KCNH7: variants seen among roughly 807,000 people sequenced by gnomAD.
KCNH7 encodes the protein voltage-gated inwardly rectifying potassium channel KCNH7.
Under a neutral mutation model 120.8 loss-of-function variants are expected in KCNH7, and 49 were observed. That is an observed-to-expected ratio of 0.41 (90% CI 0.32 to 0.51). The LOEUF (loss-of-function observed/expected upper bound fraction) is 0.51. Ranked by LOEUF, KCNH7 falls within the 20% of genes least tolerant of loss-of-function variation. The probability of loss-of-function intolerance (pLI) is 0.38; values close to 1 mark genes in which losing one functional copy is unlikely to be tolerated. For synonymous variants in KCNH7, 547 were observed against 516.1 expected, an observed-to-expected ratio of 1.06 and a Z score of -0.81; for missense variants, 1,097 against 1,446.6, an observed-to-expected ratio of 0.76 and a Z score of 3.92.
intron 2 of KCNH7, among the ~76,000 whole-genome samples, chr2:162,595,958 A>G (rs1407860806): frequency 1.3e-5 from 2 of 152,096 alleles, no homozygotes; most frequent in Non-Finnish European, 2.9e-5. Context: ...CACATTTATA[A>G]TAGCATAAAA....
At chr2:162,777,777 G>A (rs1338915843) in intron 2 of KCNH7, among the ~76,000 whole-genome samples, 2 of 152,098 alleles carry the variant, frequency 1.3e-5, no homozygotes, top group African/African-American at 4.8e-5. Flanking sequence ...TAAAATACAT[G>A]ACTCTGACTA....
chr2:162,575,359 T>A (rs986118047), intron 2 of KCNH7, among the ~76,000 whole-genome samples: 5 of 152,070 alleles, frequency 3.3e-5, no homozygotes, highest in Admixed American at 2.6e-4. Flanking sequence ...TGGAACTTGA[T>A]CCTCTAGAAT....
At chr2:162,546,727 A>G (rs145221251) in intron 2 of KCNH7, among the ~76,000 whole-genome samples, 2 of 152,308 alleles carry the variant, frequency 1.3e-5, no homozygotes, top group African/African-American at 4.8e-5. Context: ...CATAGCTTAG[A>G]ATGAATAAAA....
At position 162,596,646 on chromosome 2, in the gene KCNH7, A is replaced by G. The variant is rs184927366; in HGVS notation, c.308-59566T>C. 3.9e-3 allele frequency among the ~76,000 whole-genome samples: 592 copies of G among 152,236 alleles called. 6 individuals are homozygous for G. Among genetic ancestry groups the G allele is most frequent in the African/African-American group, 0.014 (562 of 41,566 alleles). ...AAATCTAAATGACTTTGATCTGATC[A>G]ATAATCTCTTACATAAGACCCCAAA... On this transcript the variant is annotated intron_variant, in intron 2 of 15. Coordinates refer to ENST00000332142, the MANE Select transcript of KCNH7 (RefSeq NM_033272.4).
intron 12 of KCNH7, among the ~76,000 whole-genome samples, chr2:162,392,385 G>C (rs368252546): frequency 1.3e-4 from 20 of 152,010 alleles, no homozygotes; most frequent in African/African-American, 4.8e-4. Context: ...GTACATGGAG[G>C]AGTGGGCAGT....
At chr2:162,546,202 G>A (rs1271599381) in intron 2 of KCNH7, among the ~76,000 whole-genome samples, 1 of 152,144 alleles carries the variant, frequency 6.6e-6, no homozygotes, top group Non-Finnish European at 1.5e-5. Context: ...GGAAATATGA[G>A]TGTTAAAATA....
chr2:162,754,283 T>A lies in KCNH7; in HGVS notation c.307+82254A>T, dbSNP rs553567440. On this transcript the variant is annotated intron_variant, in intron 2 of 15. Coordinates refer to ENST00000332142, the MANE Select transcript of KCNH7 (RefSeq NM_033272.4). ...TGAAACTGTACAAGAGTAGTAGAAA[T>A]GAGAAAAGGAAAAATGGAAAGAGAA... Among the ~76,000 whole-genome samples, 11 of 151,322 alleles carry A rather than the reference T, an allele frequency of 7.3e-5. No homozygotes were observed. In the East Asian group the frequency reaches 2.1e-3, roughly 30 times the overall value.
chr2:162,737,071 T>A (rs1311229760), intron 2 of KCNH7, among the ~76,000 whole-genome samples: 1 of 152,102 alleles, frequency 6.6e-6, no homozygotes, highest in Admixed American at 6.5e-5. Flanking sequence ...AAGACTGAGA[T>A]TTTGATCTTC....
chr2:162,727,270 G>T (rs1687564094), intron 2 of KCNH7, among the ~76,000 whole-genome samples: 1 of 152,050 alleles, frequency 6.6e-6, no homozygotes, highest in African/African-American at 2.4e-5. Flanking sequence ...AACAGTTTAA[G>T]ATTTTTTATT....
At chr2:162,473,072 G>A (rs1299764855) in intron 6 of KCNH7, among the ~76,000 whole-genome samples, 1 of 152,022 alleles carries the variant, frequency 6.6e-6, no homozygotes, top group Non-Finnish European at 1.5e-5. Flanking sequence ...GGCCTGTTGT[G>A]GGGTAGGGGG....
chr2:162,620,067 G>C (rs566784108), intron 2 of KCNH7, among the ~76,000 whole-genome samples: 1 of 151,036 alleles, frequency 6.6e-6, no homozygotes, highest in South Asian at 2.1e-4. Context: ...GTTTGAGAGA[G>C]AGAATATGTG....
chr2:162,754,494 G>A (rs1688719114), intron 2 of KCNH7, among the ~76,000 whole-genome samples: 1 of 152,124 alleles, frequency 6.6e-6, no homozygotes, highest in African/African-American at 2.4e-5. Context: ...TTTTCAACAG[G>A]AAGAGAGACT....
chr2:162,400,455 G>T lies in KCNH7; in HGVS notation c.2155-14C>A. On this transcript the variant is annotated splice_polypyrimidine_tract_variant and intron_variant, in intron 9 of 15. Transcript: ENST00000332142. ...ACCCTTTAGGACCTGAGGAAAAAAA[G>T]AAAGAGTTTCATACTACCAGTGTTC... 6.2e-7 allele frequency: 1 copy of T among 1,610,458 alleles called. No homozygotes were observed. Among genetic ancestry groups the T allele is most frequent in the Non-Finnish European group, 8.5e-7 (1 of 1,177,782 alleles).
chr2:162,786,712 AT>A (rs1325986007), intron 2 of KCNH7, among the ~76,000 whole-genome samples: 1 of 152,204 alleles, frequency 6.6e-6, no homozygotes, highest in African/African-American at 2.4e-5. Flanking sequence ...ACCTATGTTG[AT>A]TTGGGGAGGT....
chr2:162,583,577 T>G (rs1021856440), intron 2 of KCNH7, among the ~76,000 whole-genome samples: 10 of 152,110 alleles, frequency 6.6e-5, no homozygotes, highest in Non-Finnish European at 1.5e-4. Flanking sequence ...ATTCTTCCAG[T>G]GCTGACCTAT....
At chr2:162,827,959 G>A (rs1685343669) in intron 2 of KCNH7, among the ~76,000 whole-genome samples, 1 of 152,154 alleles carries the variant, frequency 6.6e-6, no homozygotes, top group East Asian at 1.9e-4. Context: ...GAGGGCTGGT[G>A]TCCATTGCAT....
chr2:162,682,059 G>T (rs965559631), intron 2 of KCNH7, among the ~76,000 whole-genome samples: 2 of 151,444 alleles, frequency 1.3e-5, no homozygotes, highest in Non-Finnish European at 3.0e-5. Flanking sequence ...GTTCACAAAG[G>T]TAAAGTCATA....
At chr2:162,451,702 T>C (rs1271340230) in intron 6 of KCNH7, among the ~76,000 whole-genome samples, 6 of 152,024 alleles carry the variant, frequency 3.9e-5, no homozygotes, top group Non-Finnish European at 8.8e-5. Context: ...TATATGTAGA[T>C]AGATAGTTTG....
Position 162,443,903 on chromosome 2 carries a change from C to T in KCNH7, c.1554+2115G>A, listed in dbSNP as rs965061284. Among the ~76,000 whole-genome samples, 8 of 152,290 alleles carry T rather than the reference C, an allele frequency of 5.3e-5. 1 individual carries two copies. Among genetic ancestry groups the T allele is most frequent in the Admixed American group, 4.6e-4 (7 of 15,296 alleles). ...GCAGCCACCAGCCATCTTTCTGTTCCTCTACCATAACAAACTTGTTCCCCA... is the reference window on the plus strand; with the variant it reads ...GCAGCCACCAGCCATCTTTCTGTTCTTCTACCATAACAAACTTGTTCCCCA... On this transcript the variant is annotated intron_variant, in intron 7 of 15. Coordinates refer to ENST00000332142, the MANE Select transcript of KCNH7 (RefSeq NM_033272.4).
Sources: allele counts gnomAD v4.1 joint callset (sites outside exome capture counted in the v4.1 genomes callset), GRCh38; gene constraint gnomAD v4.1.1; transcripts MANE v1.5; gene names NCBI Gene and HGNC (gene_info 2026-07-23, HGNC 2026-07-21).